GMNN: variants seen among roughly 807,000 people sequenced by gnomAD.
GMNN encodes the protein geminin.
A neutral mutation model predicts 20.9 loss-of-function variants in GMNN; 14 were observed. The ratio of observed to expected loss-of-function variants is 0.67; its 90% CI spans 0.44 to 1.05. The LOEUF (loss-of-function observed/expected upper bound fraction) is 1.05, where lower values mean the gene tolerates loss of function less well. Ranked by LOEUF, GMNN falls within the 50% of genes least tolerant of loss-of-function variation. GMNN has a pLI of 0.00. For missense variants in GMNN, 227 were observed against 243.8 expected, an observed-to-expected ratio of 0.93 and a Z score of 0.46; for synonymous variants, 81 against 85.8, an observed-to-expected ratio of 0.94 and a Z score of 0.31.
At position 24,781,221 on chromosome 6, in the gene GMNN, A is replaced by T. The variant is rs532280506; in HGVS notation, c.130-256A>T. Among the ~76,000 whole-genome samples the T allele has an allele frequency of 7.0e-4, 105 of 150,364 alleles. No homozygotes were observed. In the Middle Eastern group the frequency reaches 0.014, roughly 19 times the overall value. On this transcript the variant is annotated intron_variant, in intron 3 of 6. Transcript: ENST00000230056. ...TCTAAAATAAAAATAAAAATAAAAAATTTTTTAAAAAATAAATAAATAATT... is the reference window on the plus strand; with the variant it reads ...TCTAAAATAAAAATAAAAATAAAAATTTTTTTAAAAAATAAATAAATAATT...
At chr6:24,784,601 T>C in intron 6 of GMNN, 47 bp downstream of exon 6, 1 of 854,426 alleles carries the variant, frequency 1.2e-6, no homozygotes, top group South Asian at 1.4e-5. Context: ...TATTTTTCTA[T>C]AAAGTTGAGG....
intron 6 of GMNN, 111 bp from the exon 7 acceptor site, chr6:24,785,526 GA>G (rs772237830): frequency 1.2e-5 from 6 of 516,726 alleles, no homozygotes; most frequent in South Asian, 6.4e-5. Flanking sequence ...GGGGCAAGAT[GA>G]AAAAAATCTC....
In GMNN at chr6:24,774,940, A is replaced by C. The variant is rs1453939763; in HGVS notation, c.-330A>C. 6.6e-6 allele frequency: 1 copy of C among 152,226 alleles called. No individual in the cohort carries two copies. Among genetic ancestry groups the C allele is most frequent in the East Asian group, 1.9e-4 (1 of 5,172 alleles). 9.4% of individuals were successfully genotyped at this position (152,226 alleles called of 1,614,324 possible). A position where few individuals can be genotyped will look rare whatever the true frequency, so the allele number is the denominator to read the frequency against. On this transcript the variant is annotated 5_prime_UTR_variant, in exon 1 of 7. Coordinates refer to ENST00000230056, the MANE Select transcript of GMNN (RefSeq NM_015895.5). ...AGAGGCCCCGCCCCTCGTCTGCGTC[A>C]GTTGGTCACGTGGTTGTTCGGAGCG... is the stretch of plus-strand genomic sequence containing the variant.
At chr6:24,783,425 C>T (rs1028294693) in intron 4 of GMNN, among the ~76,000 whole-genome samples, 1 of 151,744 alleles carries the variant, frequency 6.6e-6, no homozygotes, top group Non-Finnish European at 1.5e-5. Flanking sequence ...TAGATATAAG[C>T]CGGAAACATC....
chr6:24,775,000 GCGCCGGGCA>G lies in GMNN; in HGVS notation c.-268_-260del, dbSNP rs1780020914. ...AGTTAGCAGGGCTTTACTGCAGAGC[GCGCCGGGCA>G]CTCCAGCGACCGTGGGGATCAGCGT... On this transcript the variant is annotated 5_prime_UTR_variant, in exon 1 of 7. Coordinates refer to ENST00000230056, the MANE Select transcript of GMNN (RefSeq NM_015895.5). 1.3e-5 allele frequency: 2 copies of G among 152,380 alleles called. No individual in the cohort carries two copies. The highest frequency in any genetic ancestry group is 4.8e-5 in the African/African-American group (2 of 41,478). The allele number at this position is 152,380 out of a possible 1,614,324, so 9.4% of individuals were successfully genotyped here.
intron 1 of GMNN, among the ~76,000 whole-genome samples, chr6:24,776,463 G>C (rs533504893): frequency 6.6e-6 from 1 of 152,260 alleles, no homozygotes; most frequent in East Asian, 1.9e-4. Flanking sequence ...TTTTTTGTTT[G>C]CACATGTGTG....
At chr6:24,778,499 A>G (rs1408788171) in intron 2 of GMNN, among the ~76,000 whole-genome samples, 1 of 152,154 alleles carries the variant, frequency 6.6e-6, no homozygotes, top group Non-Finnish European at 1.5e-5. Context: ...AAGACCCTGT[A>G]CCTAAAAAAA....
Position 24,784,077 on chromosome 6 carries a change from A to G in GMNN, c.275-10A>G. On this transcript the variant is annotated splice_polypyrimidine_tract_variant and intron_variant, in intron 4 of 6. Transcript: ENST00000230056. ...TGATTTTTAAAGTTATATTTAAAATATTATTTTAGAAAATCCATCCTCTCA... is the reference window on the plus strand; with the variant it reads ...TGATTTTTAAAGTTATATTTAAAATGTTATTTTAGAAAATCCATCCTCTCA... 1 of 1,279,730 alleles carries G rather than the reference A, an allele frequency of 7.8e-7. No homozygotes were observed. Among genetic ancestry groups the G allele is most frequent in the Non-Finnish European group, 1.1e-6 (1 of 895,394 alleles). The allele number at this position is 1,279,730 out of a possible 1,614,324, so 79.3% of individuals were successfully genotyped here. A position where few individuals can be genotyped will look rare whatever the true frequency, so the allele number is the denominator to read the frequency against.
chr6:24,777,076 C>T, intron 1 of GMNN, 146 bp from the exon 2 acceptor site: 3 of 406,776 alleles, frequency 7.4e-6, no homozygotes, highest in Non-Finnish European at 1.3e-5. Context: ...ACTTTAGTCA[C>T]CTTAGTCATT....
intron 4 of GMNN, among the ~76,000 whole-genome samples, chr6:24,782,789 G>T (rs1406882178): frequency 6.6e-6 from 1 of 151,844 alleles, no homozygotes; most frequent in African/African-American, 2.4e-5. Context: ...TGCGATACAT[G>T]GTAAAAATTA....
At chr6:24,777,454 T>C (rs1000792627) in intron 2 of GMNN, 157 bp downstream of exon 2, 12 of 406,110 alleles carry the variant, frequency 3.0e-5, no homozygotes, top group African/African-American at 2.3e-4. Context: ...AAAAACTAAT[T>C]ACGGTTGAAT....
intron 4 of GMNN, among the ~76,000 whole-genome samples, chr6:24,783,245 G>T (rs1025143815): frequency 7.2e-5 from 11 of 152,112 alleles, no homozygotes; most frequent in Admixed American, 2.6e-4. Context: ...ATAACGTCAA[G>T]AATGGATTAT....
chr6:24,780,026 A>T (rs192342875), intron 2 of GMNN, among the ~76,000 whole-genome samples: 2 of 152,268 alleles, frequency 1.3e-5, no homozygotes, highest in Admixed American at 1.3e-4. Flanking sequence ...GAGTACATGT[A>T]AGTATTTGAG....
At chr6:24,777,448 A>G (rs1195516333) in intron 2 of GMNN, 151 bp downstream of exon 2, 2 of 412,730 alleles carry the variant, frequency 4.8e-6, no homozygotes, top group Non-Finnish European at 8.6e-6. Context: ...TTTTTAAAAA[A>G]CTAATTACGG....
At chr6:24,784,020 T>C (rs972409128) in intron 4 of GMNN, 67 bp from the exon 5 acceptor site, 1 of 715,040 alleles carries the variant, frequency 1.4e-6, no homozygotes, top group Admixed American at 2.6e-5. Context: ...TTGGAAATTT[T>C]TTTGAAACAA....
At chr6:24,784,603 A>C (rs982150094) in intron 6 of GMNN, 49 bp downstream of exon 6, 1 of 832,226 alleles carries the variant, frequency 1.2e-6, no homozygotes, top group Admixed American at 1.9e-5. Flanking sequence ...TTTTTCTATA[A>C]AGTTGAGGTA....
chr6:24,781,391 C>CT (rs1190624432), intron 3 of GMNN, 86 bp from the exon 4 acceptor site: 5 of 858,788 alleles, frequency 5.8e-6, no homozygotes, highest in East Asian at 2.7e-5. Context: ...TATGCGTACT[C>CT]TTTTTTTAAT....
Position 24,785,952 on chromosome 6 carries a change from A to G in GMNN, c.*153A>G, listed in dbSNP as rs1447056558. On this transcript the variant is annotated 3_prime_UTR_variant, in exon 7 of 7. Coordinates refer to ENST00000230056, the MANE Select transcript of GMNN (RefSeq NM_015895.5). ...CCTATTGCATTAAAGTACAAATACT[A>G]TGTATTTTTAATCTATGATGGTTTA... is the stretch of plus-strand genomic sequence containing the variant. 2 of 537,046 alleles carry G rather than the reference A, an allele frequency of 3.7e-6. No individual in the cohort carries two copies. Among genetic ancestry groups the G allele is most frequent in the Middle Eastern group, 2.8e-4 (1 of 3,588 alleles). The allele number at this position is 537,046 out of a possible 1,614,324, so 33.3% of individuals were successfully genotyped here.
At chr6:24,779,728 C>G (rs1175745981) in intron 2 of GMNN, among the ~76,000 whole-genome samples, 1 of 152,160 alleles carries the variant, frequency 6.6e-6, no homozygotes, top group African/African-American at 2.4e-5. Context: ...CCCATGGTGG[C>G]AGTATAACTA....
Sources: allele counts gnomAD v4.1 joint callset (sites outside exome capture counted in the v4.1 genomes callset), GRCh38; gene constraint gnomAD v4.1.1; transcripts MANE v1.5; gene names NCBI Gene and HGNC (gene_info 2026-07-23, HGNC 2026-07-21).